The following PIK3C2G variants were observed in gnomAD, a reference collection of about 807,000 sequenced individuals.
PIK3C2G encodes phosphatidylinositol 3-kinase C2 domain-containing subunit gamma.
A neutral mutation model predicts 181.1 loss-of-function variants in PIK3C2G; 168 were observed. That is an observed-to-expected ratio of 0.93 (90% CI 0.82 to 1.05). The LOEUF is 1.05. Ranked by LOEUF, PIK3C2G falls within the 50% of genes least tolerant of loss-of-function variation. The pLI, the probability that PIK3C2G is intolerant of heterozygous loss-of-function variation, is 0.00. For missense variants in PIK3C2G, 1,869 were observed against 1,732.8 expected (o/e 1.08, Z -1.40); for synonymous variants, 573 against 592.2 (o/e 0.97, Z 0.47).
chr12:18,601,028 A>G (rs1947680075), intron 30 of PIK3C2G, among the ~76,000 whole-genome samples: 1 of 152,052 alleles, frequency 6.6e-6, no homozygotes, highest in African/African-American at 2.4e-5. Context: ...TCACAGACCA[A>G]TCTCACTTAA....
intron 24 of PIK3C2G, among the ~76,000 whole-genome samples, chr12:18,517,649 T>G (rs1942639055): frequency 6.6e-6 from 1 of 152,200 alleles, no homozygotes; most frequent in South Asian, 2.1e-4. Context: ...TGATGGGGTT[T>G]TCTAAATATA....
At chr12:18,463,738 G>A (rs1275287121) in intron 18 of PIK3C2G, among the ~76,000 whole-genome samples, 1 of 152,164 alleles carries the variant, frequency 6.6e-6, no homozygotes, top group Non-Finnish European at 1.5e-5. Flanking sequence ...ATGTCTTCAT[G>A]ACCTAGACTC....
intron 18 of PIK3C2G, among the ~76,000 whole-genome samples, chr12:18,459,174 TC>T (rs924952615): frequency 6.6e-6 from 1 of 152,156 alleles, no homozygotes; most frequent in African/African-American, 2.4e-5. Context: ...AAGAAGTTTA[TC>T]ACTGGAAATC....
At chr12:18,316,862 C>T (rs1016395957) in intron 6 of PIK3C2G, among the ~76,000 whole-genome samples, 3 of 151,966 alleles carry the variant, frequency 2.0e-5, no homozygotes, top group African/African-American at 7.3e-5. Flanking sequence ...TACACTAATG[C>T]GTAGAGTAGT....
At chr12:18,294,936 A>T (rs956331151) in intron 5 of PIK3C2G, among the ~76,000 whole-genome samples, 1 of 151,676 alleles carries the variant, frequency 6.6e-6, no homozygotes, top group Admixed American at 6.6e-5. Flanking sequence ...AAGTTTGATA[A>T]ATTTGATGAC....
At chr12:18,453,266 G>C (rs1947461308) in intron 18 of PIK3C2G, among the ~76,000 whole-genome samples, 1 of 152,112 alleles carries the variant, frequency 6.6e-6, no homozygotes, top group Non-Finnish European at 1.5e-5. Context: ...ATTTAGGATA[G>C]TTAGCTCTTC....
At chr12:18,302,089 G>T (rs182099399) in intron 5 of PIK3C2G, among the ~76,000 whole-genome samples, 3 of 152,308 alleles carry the variant, frequency 2.0e-5, no homozygotes, top group African/African-American at 7.2e-5. Context: ...TCAGCTTCCA[G>T]TGTGGTAGTG....
In PIK3C2G at chr12:18,282,275, T is replaced by G; in HGVS notation, c.194T>G (p.Val65Gly). The G allele has an allele frequency of 6.2e-7, 1 of 1,613,640 alleles. No homozygotes were observed. Among genetic ancestry groups the G allele is most frequent in the Middle Eastern group, 1.6e-4 (1 of 6,062 alleles). The part of the protein sequence containing the change: ...ESEIDENTFF[V>G]PTAPKWDSTG... ...GAAATTGATGAAAACACCTTTTTTG[T>G]GCCCACTGCACCAAAATGGGACTCA... Residue 65 changes from valine to glycine, a missense_variant, in exon 2 of 33, where the codon GTG (valine) becomes GGG (glycine). Physicochemically the swap from Val to Gly is moderately radical, Grantham distance 109. Coordinates refer to ENST00000538779, the MANE Select transcript of PIK3C2G (RefSeq NM_001288772.2).
At chr12:18,705,400 A>G in the PIK3C2G span, 1 of 1,515,346 alleles carries the variant, frequency 6.6e-7, no homozygotes, top group Non-Finnish European at 9.1e-7. Flanking sequence ...AATGTATTTT[A>G]AAACTTACTT....
At chr12:18,589,161 A>C (rs1246034744) in intron 29 of PIK3C2G, among the ~76,000 whole-genome samples, 1 of 152,004 alleles carries the variant, frequency 6.6e-6, no homozygotes, top group Non-Finnish European at 1.5e-5. Flanking sequence ...ACAAACCTGC[A>C]CATGTACCTG....
At chr12:18,541,696 C>T (rs1285025895) in intron 25 of PIK3C2G, among the ~76,000 whole-genome samples, 2 of 151,926 alleles carry the variant, frequency 1.3e-5, no homozygotes, top group East Asian at 3.9e-4. Flanking sequence ...TTACCTGTAT[C>T]TGTTCACTTC....
intron 8 of PIK3C2G, among the ~76,000 whole-genome samples, chr12:18,329,193 T>C (rs1951483252): frequency 6.6e-6 from 1 of 151,922 alleles, no homozygotes; most frequent in South Asian, 2.1e-4. Context: ...GTGTTGCTAA[T>C]GAGATGGAGA....
chr12:18,559,480 C>G (rs1473343413), intron 26 of PIK3C2G, among the ~76,000 whole-genome samples: 2 of 152,034 alleles, frequency 1.3e-5, no homozygotes, highest in East Asian at 2.0e-4. Context: ...TTGTTGGAAG[C>G]TGAGCAGGCT....
chr12:18,705,538 C>A, the PIK3C2G span, among the ~76,000 whole-genome samples: 1 of 152,074 alleles, frequency 6.6e-6, no homozygotes, highest in Admixed American at 6.6e-5. Context: ...AGAATAGGAA[C>A]AACTGAAGCA....
chr12:18,385,434 T>A (rs1459406402), intron 14 of PIK3C2G, among the ~76,000 whole-genome samples: 4 of 152,186 alleles, frequency 2.6e-5, no homozygotes, highest in Non-Finnish European at 5.9e-5. Context: ...CTTGACTCAC[T>A]TAGCCTGGGT....
intron 9 of PIK3C2G, 102 bp from the exon 10 acceptor site, chr12:18,343,225 C>A: frequency 1.5e-6 from 1 of 650,714 alleles, no homozygotes; most frequent in Non-Finnish European, 2.7e-6. Flanking sequence ...GTTGTTTTAC[C>A]ATGACAAAGA....
chr12:18,556,178 A>T (rs1468875259), intron 26 of PIK3C2G, among the ~76,000 whole-genome samples: 3 of 152,112 alleles, frequency 2.0e-5, no homozygotes, highest in African/African-American at 7.2e-5. Flanking sequence ...TATTCCTGTA[A>T]TATAAGGATA....
At chr12:18,697,658 C>G in the PIK3C2G span, among the ~76,000 whole-genome samples, 3 of 152,110 alleles carry the variant, frequency 2.0e-5, no homozygotes, top group Admixed American at 6.5e-5. Context: ...ACTGATAACT[C>G]CTTCACATAT....
At chr12:18,550,744 A>C (rs1347812256) in intron 26 of PIK3C2G, among the ~76,000 whole-genome samples, 1 of 152,004 alleles carries the variant, frequency 6.6e-6, no homozygotes, top group Non-Finnish European at 1.5e-5. Context: ...TTACAGACAA[A>C]AGTAAGACAA....
Sources: gnomAD v4.1 joint callset for allele counts (sites outside exome capture counted in the v4.1 genomes callset) on GRCh38, gnomAD v4.1.1 for gene constraint, MANE v1.5 for transcripts, NCBI Gene and HGNC (gene_info 2026-07-23, HGNC 2026-07-21) for gene names.